The following TESMIN variants were observed in gnomAD, a reference collection of about 807,000 sequenced individuals.
TESMIN encodes the protein CXC domain containing 2.
Under a neutral mutation model 47.4 loss-of-function variants are expected in TESMIN, and 34 were observed. The observed-to-expected ratio is 0.72, with a 90% CI of 0.55 to 0.96. The LOEUF (loss-of-function observed/expected upper bound fraction) is 0.96. Ranked by LOEUF, TESMIN falls within the 40% of genes least tolerant of loss-of-function variation. The pLI is 0.00. For missense variants in TESMIN, 610 were observed against 637.2 expected (o/e 0.96, Z 0.46); for synonymous variants, 278 against 258.9 (o/e 1.07, Z -0.71).
intron 6 of TESMIN, among the ~76,000 whole-genome samples, chr11:68,735,271 C>T (rs891978047): frequency 6.6e-6 from 1 of 152,206 alleles, no homozygotes; most frequent in Admixed American, 6.5e-5. Context: ...ACTGCTCTTG[C>T]CCTCGGCCCT....
At chr11:68,717,314 A>T (rs1186760712) in intron 6 of TESMIN, among the ~76,000 whole-genome samples, 1 of 152,158 alleles carries the variant, frequency 6.6e-6, no homozygotes, top group African/African-American at 2.4e-5. Flanking sequence ...GTCCCTAGGG[A>T]CCCGGAGCTT....
downstream of TESMIN, among the ~76,000 whole-genome samples, chr11:68,704,994 TGCCGGGG>T (rs1432494381): frequency 6.6e-6 from 1 of 152,204 alleles, no homozygotes; most frequent in African/African-American, 2.4e-5. Context: ...CTCCAGTCTC[TGCCGGGG>T]GCCGGGGGTT....
rs144142305 is a variant in TESMIN at position 68,729,757 on chromosome 11, G to A, written c.917+8943C>T. On this transcript the variant is annotated intron_variant, in intron 6 of 9. Transcript: ENST00000255087. ...TCTTGAGATGGAATCTGCTCCTGGT[G>A]AAGATGCTTTGAACACTGCTGAAAT... 3.5e-3 allele frequency among the ~76,000 whole-genome samples: 532 copies of A among 152,320 alleles called. 5 individuals are homozygous for A. Among genetic ancestry groups the A allele is most frequent in the East Asian group, 0.028 (147 of 5,176 alleles).
intron 5 of TESMIN, among the ~76,000 whole-genome samples, chr11:68,740,887 C>T (rs1355966502): frequency 6.6e-6 from 1 of 152,134 alleles, no homozygotes; most frequent in Admixed American, 6.5e-5. Context: ...TTTAATATAT[C>T]CAAACGGAAC....
intron 6 of TESMIN, among the ~76,000 whole-genome samples, chr11:68,734,836 G>A (rs543932146): frequency 3.9e-5 from 6 of 152,170 alleles, no homozygotes; most frequent in Admixed American, 6.5e-5. Context: ...TGCTCCGAGC[G>A]CCCGCACGCT....
chr11:68,705,485 G>A (rs1318237889), downstream of TESMIN, among the ~76,000 whole-genome samples: 2 of 152,170 alleles, frequency 1.3e-5, no homozygotes, highest in Non-Finnish European at 2.9e-5. Flanking sequence ...GCCGCCAACA[G>A]CACCTTCTCT....
intron 6 of TESMIN, among the ~76,000 whole-genome samples, chr11:68,718,303 C>G (rs1427084024): frequency 2.6e-5 from 4 of 151,994 alleles, no homozygotes; most frequent in African/African-American, 9.7e-5. Flanking sequence ...GAAAAGAAAA[C>G]TAGGAGGAAA....
At position 68,713,357 on chromosome 11, in the gene TESMIN, G is replaced by T. The variant is rs763356173; in HGVS notation, c.1071C>A (p.Gly357=). ...GCTGGGGCTTGACATTGCCCAATTGGCCCTTCCCAATTTTTGGCTGGAAAG... is the reference window on the plus strand; with the variant it reads ...GCTGGGGCTTGACATTGCCCAATTGTCCCTTCCCAATTTTTGGCTGGAAAG... ...PEAFQPKIGK[G]QLGNVKPQHN... The change falls in exon 8 of 10, where the codon GGC becomes GGA. Residue 357 remains glycine (G), a synonymous_variant. Transcript: ENST00000255087. 4 of 1,614,014 alleles carry T rather than the reference G, an allele frequency of 2.5e-6. No individual in the cohort carries two copies. The Admixed American group carries it at 6.7e-5, about 27-fold the overall frequency.
intron 6 of TESMIN, among the ~76,000 whole-genome samples, chr11:68,719,105 A>G (rs1369208487): frequency 6.6e-6 from 1 of 152,192 alleles, no homozygotes; most frequent in Non-Finnish European, 1.5e-5. Flanking sequence ...GTCCAAGACG[A>G]GAGCTGCACA....
chr11:68,706,977 G>A (rs1946004728), downstream of TESMIN, among the ~76,000 whole-genome samples: 1 of 152,176 alleles, frequency 6.6e-6, no homozygotes, highest in African/African-American at 2.4e-5. Context: ...CCAGCAGTGC[G>A]CCTCCCTGTT....
rs1164346044 is a variant in TESMIN at position 68,711,032 on chromosome 11, A to G, written c.1176T>C (p.Ser392=). Residue 392 remains serine (S), a synonymous_variant, in exon 9 of 10, where the codon TCT becomes TCC. Transcript: ENST00000255087. ...CECYEAQIMC[S]SICKCIGCKN... ...TGCAACCAATGCATTTGCAAATAGA[A>G]GAACACATAATTTGGGCCTGGTAAT... 1.2e-6 allele frequency: 2 copies of G among 1,609,220 alleles called. No homozygotes were observed. The highest frequency in any genetic ancestry group is 1.7e-6 in the Non-Finnish European group (2 of 1,178,382).
rs553219664 is a variant in TESMIN, at chr11:68,709,892, G to A, written c.1334+982C>T. ...TGATAAAGACCTCTGTGGGTCAGCT[G>A]GGTGCGGTGGCTTACGCCTGTAATC... On this transcript the variant is annotated intron_variant, in intron 9 of 9. Transcript: ENST00000255087. Among the ~76,000 whole-genome samples the A allele has an allele frequency of 2.0e-5, 3 of 152,354 alleles. No individual in the cohort carries two copies. In the South Asian group the frequency reaches 6.2e-4, roughly 32 times the overall value.
intron 6 of TESMIN, among the ~76,000 whole-genome samples, chr11:68,734,970 C>A (rs1021804063): frequency 9.2e-5 from 14 of 152,160 alleles, no homozygotes; most frequent in Non-Finnish European, 1.6e-4. Context: ...TGTTTAGTGA[C>A]CCATCCCACT....
chr11:68,711,247 G>T (rs987264794), intron 8 of TESMIN, among the ~76,000 whole-genome samples, 198 bp from the exon 9 acceptor site: 6 of 150,486 alleles, frequency 4.0e-5, no homozygotes, highest in African/African-American at 1.2e-4. Context: ...GTGTGTGTGG[G>T]GTGTGTGTGT....
At chr11:68,748,961 G>C (rs780746137) in intron 2 of TESMIN, among the ~76,000 whole-genome samples, 9 of 152,090 alleles carry the variant, frequency 5.9e-5, no homozygotes, top group Non-Finnish European at 8.8e-5. Context: ...TCAGCCTCCC[G>C]AGTAGCTGGG....
rs577096399 is a variant in TESMIN at position 68,729,505 on chromosome 11, C to T, written c.917+9195G>A. Among the ~76,000 whole-genome samples the T allele has an allele frequency of 4.1e-5, 6 of 147,448 alleles. No homozygotes were observed. In the South Asian group the frequency reaches 1.3e-3, roughly 32 times the overall value. ...ATGCCACTGCACTCTAGCCTGGTGA[C>T]AGAGGAAGACTCTGTCTCAAAAAAA... On this transcript the variant is annotated intron_variant, in intron 6 of 9. Transcript: ENST00000255087.
At chr11:68,715,676 G>A (rs866503859) in intron 7 of TESMIN, among the ~76,000 whole-genome samples, 161 bp downstream of exon 7, 5 of 152,144 alleles carry the variant, frequency 3.3e-5, no homozygotes, top group South Asian at 4.1e-4. Context: ...GCCGCTTGTC[G>A]TGGTTCAATA....
At chr11:68,749,508 G>A (rs1314679079) in intron 2 of TESMIN, among the ~76,000 whole-genome samples, 1 of 152,210 alleles carries the variant, frequency 6.6e-6, no homozygotes, top group Non-Finnish European at 1.5e-5. Flanking sequence ...GGGACCCTTT[G>A]TTTCCTTTGA....
At chr11:68,746,170 T>TACACAC (rs56975910) in intron 3 of TESMIN, among the ~76,000 whole-genome samples, 75 of 149,604 alleles carry the variant, frequency 5.0e-4, no homozygotes, top group South Asian at 1.1e-3. Flanking sequence ...AAGTTATAGC[T>TACACAC]ACACACACAC....
Sources: gnomAD v4.1 joint callset for allele counts (sites outside exome capture counted in the v4.1 genomes callset) on GRCh38, gnomAD v4.1.1 for gene constraint, MANE v1.5 for transcripts, NCBI Gene and HGNC (gene_info 2026-07-23, HGNC 2026-07-21) for gene names.